The following AGBL4 variants were observed in gnomAD, a reference collection of about 807,000 sequenced individuals.
The protein encoded by AGBL4 is cytosolic carboxypeptidase 6.
AGBL4 carries 58 observed loss-of-function variants against 66.4 expected under a neutral mutation model. That is an observed-to-expected ratio of 0.87 (90% CI 0.71 to 1.09). AGBL4 has a LOEUF of 1.09. Among genes scored for constraint, AGBL4 ranks in the 50% least tolerant of loss-of-function variants. AGBL4 has a pLI of 0.00. For missense variants in AGBL4, 579 were observed against 631.0 expected (o/e 0.92, Z 0.88); for synonymous variants, 234 against 222.9 (o/e 1.05, Z -0.44).
At chr1:49,579,397 A>G (rs190249740) in intron 3 of AGBL4, among the ~76,000 whole-genome samples, 37 of 152,308 alleles carry the variant, frequency 2.4e-4, no homozygotes, top group African/African-American at 8.9e-4. Context: ...TATGATTTTT[A>G]TTTTTAAAAA....
intron 3 of AGBL4, among the ~76,000 whole-genome samples, chr1:49,619,350 C>A (rs944195464): frequency 2.6e-5 from 4 of 152,046 alleles, no homozygotes; most frequent in African/African-American, 4.8e-5. Context: ...GCCAAATCAT[C>A]AGTGAACTCC....
At chr1:49,489,424 C>G (rs1248992919) in intron 3 of AGBL4, among the ~76,000 whole-genome samples, 1 of 151,732 alleles carries the variant, frequency 6.6e-6, no homozygotes, top group Non-Finnish European at 1.5e-5. Flanking sequence ...CTTATATATT[C>G]TGGTTATTAA....
intron 2 of AGBL4, among the ~76,000 whole-genome samples, chr1:49,803,842 G>A (rs1030530993): frequency 1.3e-5 from 2 of 152,106 alleles, no homozygotes; most frequent in Non-Finnish European, 2.9e-5. Context: ...CTAATCTGAT[G>A]TCAATGAAAA....
intron 5 of AGBL4, among the ~76,000 whole-genome samples, chr1:49,008,675 G>A (rs9436764): frequency 0.97 from 93,518 of 96,792 alleles, 45,125 homozygotes; most frequent in Middle Eastern, 0.99. Context: ...ATAACAAACT[G>A]TCTCTCAGAC....
At chr1:48,984,605 T>G (rs1032826559) in intron 5 of AGBL4, among the ~76,000 whole-genome samples, 2 of 149,940 alleles carry the variant, frequency 1.3e-5, no homozygotes, top group African/African-American at 4.9e-5. Flanking sequence ...AAGTAAAAAA[T>G]TAAAAAAAAC....
rs1569842973 is a variant in AGBL4 at position 48,572,634 on chromosome 1, G to A, written c.1267+14370C>T. Among the ~76,000 whole-genome samples the A allele has an allele frequency of 2.0e-5, 3 of 152,170 alleles. No individual in the cohort carries two copies. In the Middle Eastern group the frequency reaches 0.01, roughly 518 times the overall value. Reference sequence around the variant, plus strand: ...AACGGGGAATGAAAGAGGAAAGAGAGATGACCTATCAGGGAAGAGGAATGC... The same window carrying A: ...AACGGGGAATGAAAGAGGAAAGAGAAATGACCTATCAGGGAAGAGGAATGC... On this transcript the variant is annotated intron_variant, in intron 11 of 13. Coordinates refer to ENST00000371839, the MANE Select transcript of AGBL4 (RefSeq NM_032785.4).
intron 6 of AGBL4, among the ~76,000 whole-genome samples, chr1:48,768,763 G>C (rs1644658701): frequency 6.6e-6 from 1 of 152,118 alleles, no homozygotes; most frequent in South Asian, 2.1e-4. Context: ...GCTTTGTAAA[G>C]GTCTTATAAA....
intron 6 of AGBL4, among the ~76,000 whole-genome samples, chr1:48,746,888 C>T (rs757092733): frequency 5.9e-5 from 9 of 152,108 alleles, no homozygotes; most frequent in African/African-American, 1.4e-4. Flanking sequence ...ATCAACAGAG[C>T]GCAATGTTTA....
chr1:50,022,605 G>C (rs1662525454), intron 1 of AGBL4, among the ~76,000 whole-genome samples: 2 of 134,474 alleles, frequency 1.5e-5, no homozygotes, highest in African/African-American at 5.7e-5. Flanking sequence ...TGGTGTGTAT[G>C]TACCATAACC....
intron 2 of AGBL4, among the ~76,000 whole-genome samples, chr1:49,823,895 G>A (rs1645436167): frequency 6.6e-6 from 1 of 151,532 alleles, no homozygotes; most frequent in African/African-American, 2.4e-5. Flanking sequence ...TCCATAACAG[G>A]TATGACATAA....
intron 3 of AGBL4, among the ~76,000 whole-genome samples, chr1:49,690,734 T>C (rs1015568720): frequency 2.0e-5 from 3 of 152,214 alleles, no homozygotes; most frequent in Non-Finnish European, 2.9e-5. Flanking sequence ...ACCTGTGTTA[T>C]ATTTCCTATT....
intron 6 of AGBL4, among the ~76,000 whole-genome samples, chr1:48,687,460 G>A (rs1044540401): frequency 6.6e-6 from 1 of 152,192 alleles, no homozygotes; most frequent in African/African-American, 2.4e-5. Context: ...GGCTGACGCA[G>A]GGAGGCCCTG....
chr1:49,213,255 A>C (rs180878603), intron 4 of AGBL4, among the ~76,000 whole-genome samples: 28 of 152,254 alleles, frequency 1.8e-4, no homozygotes, highest in Non-Finnish European at 3.4e-4. Context: ...TCTTAGGCTT[A>C]CCTTTCTTGA....
At chr1:49,466,963 T>A (rs1244211748) in intron 3 of AGBL4, among the ~76,000 whole-genome samples, 1 of 151,640 alleles carries the variant, frequency 6.6e-6, no homozygotes, top group Admixed American at 6.6e-5. Flanking sequence ...AAAATTAAAG[T>A]CAGAGAAAAA....
intron 1 of AGBL4, among the ~76,000 whole-genome samples, chr1:49,927,265 C>T (rs1421227068): frequency 2.0e-5 from 3 of 152,182 alleles, no homozygotes; most frequent in African/African-American, 7.2e-5. Flanking sequence ...TTAACCATCA[C>T]AGGCTGTATT....
intron 11 of AGBL4, among the ~76,000 whole-genome samples, chr1:48,579,965 T>C (rs534698479): frequency 7.2e-5 from 11 of 151,762 alleles, no homozygotes; most frequent in Admixed American, 2.6e-4. Context: ...TGTTAGATAT[T>C]GGAACATGTT....
chr1:49,003,197 C>G (rs1250004736), intron 5 of AGBL4, among the ~76,000 whole-genome samples: 2 of 152,038 alleles, frequency 1.3e-5, no homozygotes, highest in East Asian at 3.9e-4. Context: ...CAAGGGTTCA[C>G]GACCACCCTG....
chr1:49,149,613 T>C (rs1364778971), intron 4 of AGBL4, among the ~76,000 whole-genome samples: 1 of 152,190 alleles, frequency 6.6e-6, no homozygotes, highest in Admixed American at 6.5e-5. Context: ...AGCAAATAAA[T>C]TATTTATTCA....
intron 3 of AGBL4, among the ~76,000 whole-genome samples, chr1:49,591,726 G>A (rs545136635): frequency 3.1e-4 from 47 of 152,090 alleles, no homozygotes; most frequent in African/African-American, 9.6e-4. Flanking sequence ...CATAATACTC[G>A]TACAAAAACA....
Sources: gnomAD v4.1 joint callset for allele counts (sites outside exome capture counted in the v4.1 genomes callset) on GRCh38, gnomAD v4.1.1 for gene constraint, MANE v1.5 for transcripts, NCBI Gene and HGNC (gene_info 2026-07-23, HGNC 2026-07-21) for gene names.